The following C10orf90 variants were observed in gnomAD, a reference collection of about 807,000 sequenced individuals.
C10orf90 encodes the protein chromosome 10 open reading frame 90, also known as (E2-independent) E3 ubiquitin-conjugating enzyme FATS.
In C10orf90, 56 loss-of-function variants were observed where a neutral mutation model predicts 62.5. The ratio of observed to expected loss-of-function variants is 0.90; its 90% confidence interval spans 0.72 to 1.12. C10orf90 has a LOEUF of 1.12. C10orf90 is among the 50% of genes most tolerant of loss of function. C10orf90 has a pLI of 0.00. For synonymous variants in C10orf90, 386 were observed against 340.4 expected, an observed-to-expected ratio of 1.13 and a Z score of -1.47; for missense variants, 970 against 880.4, an observed-to-expected ratio of 1.10 and a Z score of -1.29.
In C10orf90 at chr10:126,464,967, A is replaced by G. The variant is rs1388425366; in HGVS notation, c.1554T>C (p.Ser518=). Residue 518 remains serine, a synonymous_variant, in exon 5 of 10, where the codon TCT becomes TCC. Coordinates refer to ENST00000488181, the MANE Select transcript of C10orf90 (RefSeq NM_001350921.2). ...SYRAVHTKVF[S]GSSKRQQGEV... ...CTCCTTGTTGCCTCTTGCTGCTTCC[A>G]GAAAATACTTTTGTGTGTACTAAAA... 2.5e-6 allele frequency: 4 copies of G among 1,595,154 alleles called. No homozygotes were observed. The African/African-American group carries it at 5.4e-5, about 21-fold the overall frequency.
intron 2 of C10orf90, chr10:126,521,595 A>G: frequency 1.7e-6 from 1 of 594,312 alleles, no homozygotes; most frequent in Admixed American, 4.1e-5. Flanking sequence ...TTTGATGTTT[A>G]CATTTGAGGC....
rs1846489592 is a variant in C10orf90, at chr10:126,660,560, T to C, written c.240+9681A>G. Among the ~76,000 whole-genome samples the C allele has an allele frequency of 2.0e-5, 3 of 152,320 alleles. No homozygotes were observed. The South Asian group carries it at 6.2e-4, about 32-fold the overall frequency. ...GGAACTGAATTCTGCCAAGAACCAG[T>C]GATCTTGGAAGAGGATCCCAAAGCC... On this transcript the variant is annotated intron_variant, in intron 1 of 9. Coordinates refer to ENST00000488181, the MANE Select transcript of C10orf90 (RefSeq NM_001350921.2).
intron 2 of C10orf90, among the ~76,000 whole-genome samples, chr10:126,564,913 A>T (rs1591102573): frequency 1.0e-4 from 2 of 19,592 alleles, no homozygotes; most frequent in African/African-American, 4.0e-4. Context: ...TAAAATATAT[A>T]TTATATATAA....
intron 1 of C10orf90, among the ~76,000 whole-genome samples, chr10:126,650,091 G>A (rs1002285650): frequency 2.6e-5 from 4 of 152,118 alleles, no homozygotes; most frequent in Non-Finnish European, 5.9e-5. Context: ...CAGTGCCTGG[G>A]ATTTATGTGG....
intron 2 of C10orf90, among the ~76,000 whole-genome samples, chr10:126,587,303 T>A (rs1844892253): frequency 6.6e-6 from 1 of 152,262 alleles, no homozygotes; most frequent in Admixed American, 6.5e-5. Flanking sequence ...CAGCTCAGGC[T>A]GCCATAACGA....
At chr10:126,493,163 GA>G (rs35431467) in intron 4 of C10orf90, among the ~76,000 whole-genome samples, 38,847 of 136,814 alleles carry the variant, frequency 0.28, 5,344 homozygotes, top group East Asian at 0.5. Flanking sequence ...CTTTTTTGTT[GA>G]AAAAAAAAAA....
intron 7 of C10orf90, among the ~76,000 whole-genome samples, chr10:126,448,654 G>A (rs1048458753): frequency 6.6e-6 from 1 of 152,082 alleles, no homozygotes; most frequent in African/African-American, 2.4e-5. Context: ...TAGCTAGACT[G>A]AAGAGAGAAG....
At chr10:126,562,215 G>T (rs1004978829) in intron 2 of C10orf90, among the ~76,000 whole-genome samples, 3 of 152,098 alleles carry the variant, frequency 2.0e-5, no homozygotes, top group Non-Finnish European at 4.4e-5. Flanking sequence ...TCACTGCTGC[G>T]TGCACGTGCT....
At chr10:126,470,102 C>G (rs772931823) in intron 4 of C10orf90, 6 of 444,694 alleles carry the variant, frequency 1.3e-5, no homozygotes, top group Non-Finnish European at 2.3e-5. Context: ...GGGGAAGGCA[C>G]TCTTCTGCAT....
chr10:126,634,008 G>A (rs1845901549), intron 2 of C10orf90, among the ~76,000 whole-genome samples: 2 of 152,174 alleles, frequency 1.3e-5, no homozygotes, highest in African/African-American at 2.4e-5. Flanking sequence ...CAGAGGAATT[G>A]GAACCTTTGC....
At chr10:126,438,051 C>T (rs1858034013) in intron 7 of C10orf90, among the ~76,000 whole-genome samples, 1 of 152,176 alleles carries the variant, frequency 6.6e-6, no homozygotes, top group African/African-American at 2.4e-5. Context: ...TCCACTTTTT[C>T]CAGATGACTT....
intron 4 of C10orf90, among the ~76,000 whole-genome samples, chr10:126,502,019 T>C (rs894455700): frequency 1.6e-3 from 155 of 99,746 alleles, no homozygotes; most frequent in Admixed American, 5.1e-3. Flanking sequence ...ACACACACCA[T>C]ACACACACAC....
intron 7 of C10orf90, among the ~76,000 whole-genome samples, chr10:126,451,659 G>T (rs140827486): frequency 1.3e-5 from 2 of 151,414 alleles, no homozygotes; most frequent in East Asian, 3.9e-4. Flanking sequence ...ATACACATAT[G>T]TGTGTATATA....
chr10:126,506,154 T>G (rs1209618285), intron 3 of C10orf90, among the ~76,000 whole-genome samples: 1 of 152,170 alleles, frequency 6.6e-6, no homozygotes, highest in Non-Finnish European at 1.5e-5. Context: ...ATGACCAAGG[T>G]GTTTCATTTT....
At chr10:126,541,912 G>A (rs1233288924) in intron 2 of C10orf90, among the ~76,000 whole-genome samples, 1 of 152,092 alleles carries the variant, frequency 6.6e-6, no homozygotes, top group Non-Finnish European at 1.5e-5. Flanking sequence ...GCCAAAAAGT[G>A]GAATCAACCC....
chr10:126,524,509 C>T (rs1863875186), intron 2 of C10orf90: 1 of 509,872 alleles, frequency 2.0e-6, no homozygotes, highest in African/African-American at 2.1e-5. Flanking sequence ...AGGAGCCTCA[C>T]CTAAGCAGAG....
chr10:126,504,393 C>CACAA lies in C10orf90; in HGVS notation c.1097_1098insTTGT (p.Lys366AsnfsTer9). ...GTGGCTCAATGGGGACGGAGAGAGA[C>CACAA]TTGTCTACGTAATAGATTGAATCTG... On this transcript the variant is annotated frameshift_variant, in exon 4 of 10. Coordinates refer to ENST00000488181, the MANE Select transcript of C10orf90 (RefSeq NM_001350921.2). LOFTEE classifies it high-confidence loss of function. The surrounding 1 kb of genome is among the most constrained non-coding windows in gnomAD (Gnocchi z 4.1). 1 of 1,614,198 alleles carries CACAA rather than the reference C, an allele frequency of 6.2e-7. No homozygotes were observed. Among genetic ancestry groups the CACAA allele is most frequent in the Non-Finnish European group, 8.5e-7 (1 of 1,180,040 alleles).
chr10:126,549,404 T>C (rs927525463), intron 2 of C10orf90, among the ~76,000 whole-genome samples: 1 of 152,120 alleles, frequency 6.6e-6, no homozygotes, highest in Non-Finnish European at 1.5e-5. Flanking sequence ...AATAAGCATA[T>C]GAAAAGATGT....
chr10:126,493,370 T>C (rs900667009), intron 4 of C10orf90, among the ~76,000 whole-genome samples: 3 of 151,622 alleles, frequency 2.0e-5, no homozygotes, highest in Admixed American at 6.6e-5. Context: ...TTTCCTTTTT[T>C]TTTTTTTTGA....
Sources: gnomAD v4.1 joint callset for allele counts (sites outside exome capture counted in the v4.1 genomes callset) on GRCh38, gnomAD v4.1.1 for gene constraint, Gnocchi (gnomAD v3.1) non-coding constraint, MANE v1.5 for transcripts, NCBI Gene and HGNC (gene_info 2026-07-23, HGNC 2026-07-21) for gene names.